The following MAPKAP1 variants were observed in gnomAD, a reference collection of about 807,000 sequenced individuals.
The protein encoded by MAPKAP1 is MAPK associated protein 1.
Under a neutral mutation model 65.7 loss-of-function variants are expected in MAPKAP1, and 20 were observed. The observed-to-expected ratio is 0.30, with a 90% CI of 0.21 to 0.44. The LOEUF is 0.44. Ranked by LOEUF, MAPKAP1 falls within the 20% of genes least tolerant of loss-of-function variation. The pLI is 1.00. For missense variants in MAPKAP1, 423 were observed against 648.0 expected, an observed-to-expected ratio of 0.65 and a Z score of 3.77; for synonymous variants, 222 against 244.3, an observed-to-expected ratio of 0.91 and a Z score of 0.85.
At chr9:125,489,938 G>A (rs545675282) in intron 8 of MAPKAP1, among the ~76,000 whole-genome samples, 2 of 152,208 alleles carry the variant, frequency 1.3e-5, no homozygotes, top group Non-Finnish European at 2.9e-5. Context: ...GTGAAACCGG[G>A]ACAGATCTGT....
intron 5 of MAPKAP1, among the ~76,000 whole-genome samples, chr9:125,569,368 GT>G (rs1267427419): frequency 1.3e-5 from 2 of 152,188 alleles, no homozygotes; most frequent in Admixed American, 1.3e-4. Flanking sequence ...AGTAGCTAAG[GT>G]TTTTGCACTT....
intron 4 of MAPKAP1, among the ~76,000 whole-genome samples, chr9:125,648,031 C>G (rs1256402573): frequency 1.3e-5 from 2 of 151,560 alleles, no homozygotes; most frequent in Non-Finnish European, 1.5e-5. Flanking sequence ...TGAAGCAGTC[C>G]GTCAGGTTTC....
At chr9:125,669,766 ATAAAC>A in intron 3 of MAPKAP1, 47 bp downstream of exon 3, 1 of 945,418 alleles carries the variant, frequency 1.1e-6, no homozygotes, top group Admixed American at 2.4e-5. Context: ...TTCTTATATA[ATAAAC>A]TAAATATATA....
At chr9:125,519,117 C>T (rs1829545961) in intron 7 of MAPKAP1, among the ~76,000 whole-genome samples, 2 of 152,152 alleles carry the variant, frequency 1.3e-5, no homozygotes, top group South Asian at 4.1e-4. Context: ...CTTGAGTCTC[C>T]TCTCACACCA....
At chr9:125,521,321 A>G (rs575024986) in intron 7 of MAPKAP1, 1 of 294,402 alleles carries the variant, frequency 3.4e-6, no homozygotes, top group African/African-American at 2.3e-5. Context: ...AAATCCAGAT[A>G]TCACTTGTTA....
chr9:125,642,571 A>G (rs1248695723), intron 4 of MAPKAP1, among the ~76,000 whole-genome samples: 1 of 152,176 alleles, frequency 6.6e-6, no homozygotes, highest in African/African-American at 2.4e-5. Flanking sequence ...GAGAACACCC[A>G]TATTTGGTGT....
intron 5 of MAPKAP1, among the ~76,000 whole-genome samples, chr9:125,560,704 G>A (rs900743977): frequency 1.3e-5 from 2 of 152,176 alleles, no homozygotes; most frequent in Non-Finnish European, 2.9e-5. Flanking sequence ...TAAGTCAGTT[G>A]GTAGAATCTG....
chr9:125,560,619 T>A (rs949197925), intron 5 of MAPKAP1, among the ~76,000 whole-genome samples: 1 of 152,026 alleles, frequency 6.6e-6, no homozygotes, highest in Admixed American at 6.6e-5. Flanking sequence ...AAGAAAATAT[T>A]TGTGCTCTAG....
At chr9:125,680,681 G>A (rs185100865) in intron 1 of MAPKAP1, among the ~76,000 whole-genome samples, 45 of 152,204 alleles carry the variant, frequency 3.0e-4, no homozygotes, top group African/African-American at 8.4e-4. Flanking sequence ...TATTTTGAAT[G>A]AGATTCATTC....
chr9:125,542,042 G>A (rs1487277280), intron 7 of MAPKAP1, among the ~76,000 whole-genome samples: 2 of 152,066 alleles, frequency 1.3e-5, no homozygotes, highest in African/African-American at 2.4e-5. Context: ...ATCTACAACC[G>A]CCCCTACCAG....
At chr9:125,670,123 A>G (rs1337963797) in intron 2 of MAPKAP1, among the ~76,000 whole-genome samples, 1 of 152,194 alleles carries the variant, frequency 6.6e-6, no homozygotes, top group Admixed American at 6.5e-5. Flanking sequence ...ATAAAACACT[A>G]ATAGAGATCA....
intron 7 of MAPKAP1, among the ~76,000 whole-genome samples, chr9:125,506,992 G>A (rs1829160506): frequency 6.6e-6 from 1 of 152,156 alleles, no homozygotes; most frequent in African/African-American, 2.4e-5. Context: ...GCATTCATAT[G>A]TGGAAAAAGT....
intron 4 of MAPKAP1, among the ~76,000 whole-genome samples, chr9:125,633,356 G>A (rs1273541085): frequency 1.3e-5 from 2 of 152,210 alleles, no homozygotes; most frequent in Non-Finnish European, 2.9e-5. Flanking sequence ...TAAAAAGCAA[G>A]TTCTTCCTGC....
At chr9:125,617,568 C>T (rs147641730) in intron 4 of MAPKAP1, among the ~76,000 whole-genome samples, 1 of 152,296 alleles carries the variant, frequency 6.6e-6, no homozygotes, top group African/African-American at 2.4e-5. Context: ...CTGGAAGCAA[C>T]TGAAATGTCC....
intron 4 of MAPKAP1, among the ~76,000 whole-genome samples, chr9:125,655,202 T>TA (rs889002367): frequency 4.5e-4 from 68 of 152,080 alleles, no homozygotes; most frequent in African/African-American, 1.6e-3. Flanking sequence ...AGTGAATCAT[T>TA]AAAACAAGAC....
intron 9 of MAPKAP1, among the ~76,000 whole-genome samples, chr9:125,474,616 T>C (rs942621152): frequency 1.3e-5 from 2 of 152,210 alleles, no homozygotes; most frequent in African/African-American, 4.8e-5. Flanking sequence ...TGTTTCCTAT[T>C]GTCCCAGAGG....
chr9:125,587,622 A>C (rs1212862598), intron 4 of MAPKAP1, among the ~76,000 whole-genome samples: 1 of 152,248 alleles, frequency 6.6e-6, no homozygotes, highest in African/African-American at 2.4e-5. Flanking sequence ...TACTATCAAG[A>C]TAGTAAAAAG....
intron 4 of MAPKAP1, among the ~76,000 whole-genome samples, chr9:125,649,859 G>T (rs1833843731): frequency 6.6e-6 from 1 of 151,834 alleles, no homozygotes; most frequent in Non-Finnish European, 1.5e-5. Flanking sequence ...AGAACACCTG[G>T]ATTCTATGCC....
rs1233181499 is a variant in MAPKAP1, at chr9:125,437,788, C to G, written c.*1099G>C. On this transcript the variant is annotated 3_prime_UTR_variant, in exon 12 of 12. Coordinates refer to ENST00000265960, the MANE Select transcript of MAPKAP1 (RefSeq NM_001006617.3). ...TGGCTGGGGACAGTAAGGACATCAC[C>G]GCAGGAGGGACACTGAAGAGGCTGT... 6.6e-6 allele frequency: 1 copy of G among 152,376 alleles called. No homozygotes were observed. Among genetic ancestry groups the G allele is most frequent in the East Asian group, 1.9e-4 (1 of 5,182 alleles). The allele number at this position is 152,376 out of a possible 1,614,324, so 9.4% of individuals were successfully genotyped here.
Sources: allele counts gnomAD v4.1 joint callset (sites outside exome capture counted in the v4.1 genomes callset), GRCh38; gene constraint gnomAD v4.1.1; transcripts MANE v1.5; gene names NCBI Gene and HGNC (gene_info 2026-07-23, HGNC 2026-07-21).